ADGRL2: variants seen among roughly 807,000 people sequenced by gnomAD.
ADGRL2 encodes the protein adhesion G protein-coupled receptor L2, also known as calcium-independent alpha-latrotoxin receptor 2.
A neutral mutation model predicts 157.4 loss-of-function variants in ADGRL2; 44 were observed. The ratio of observed to expected loss-of-function variants is 0.28; its 90% CI spans 0.22 to 0.36. The LOEUF (loss-of-function observed/expected upper bound fraction) is 0.36. ADGRL2 is among the 10% of genes least tolerant of loss of function. The probability of loss-of-function intolerance (pLI) is 1.00; values close to 1 mark genes in which losing one functional copy is unlikely to be tolerated. For missense variants in ADGRL2, 1,510 were observed against 1,768.9 expected, an observed-to-expected ratio of 0.85 and a Z score of 2.63; for synonymous variants, 585 against 624.7, an observed-to-expected ratio of 0.94 and a Z score of 0.95.
chr1:81,419,563 C>T (rs1340462498), intron 1 of ADGRL2, among the ~76,000 whole-genome samples: 1 of 152,180 alleles, frequency 6.6e-6, no homozygotes, highest in African/African-American at 2.4e-5. Context: ...ATGCAAATAA[C>T]TACTTATTTG....
At chr1:81,846,239 T>C (rs2092783048) in intron 2 of ADGRL2, among the ~76,000 whole-genome samples, 1 of 151,762 alleles carries the variant, frequency 6.6e-6, no homozygotes, top group Non-Finnish European at 1.5e-5. Context: ...ACACTGTTTA[T>C]ATCTACATAG....
At chr1:81,800,423 A>T (rs915207098), upstream of ADGRL2, 1 of 152,020 alleles carries the variant, frequency 6.6e-6, no homozygotes, top group African/African-American at 2.4e-5. Context: ...TTTCTCCTCC[A>T]TGCAGTTACA....
chr1:81,323,411 A>ATTT lies in ADGRL2; in HGVS notation c.-302+16921_-302+16923dup, dbSNP rs138358062. Among the ~76,000 whole-genome samples the ATTT allele has an allele frequency of 3.0e-3, 332 of 109,728 alleles. 9 individuals are homozygous for ATTT. Among genetic ancestry groups the ATTT allele is most frequent in the Middle Eastern group, 0.012 (2 of 170 alleles). The allele number at this position is 109,728 out of a possible 152,430, so 72.0% of individuals were successfully genotyped here. A position where few individuals can be genotyped will look rare whatever the true frequency, so the allele number is the denominator to read the frequency against. ...CGAGCCATTGTACTAGACTAATTCAATTTTTTTTTTTTTTTTTTTTTGTAG... is the reference window on the plus strand; with the variant it reads ...CGAGCCATTGTACTAGACTAATTCAATTTTTTTTTTTTTTTTTTTTTTTTGTAG... On this transcript the variant is annotated intron_variant, in intron 1 of 24. Transcript: ENST00000370721.
At chr1:81,907,300 C>A in intron 3 of ADGRL2, 70 bp downstream of exon 3, 2 of 1,350,720 alleles carry the variant, frequency 1.5e-6, no homozygotes, top group Non-Finnish European at 1.1e-6. Flanking sequence ...TACAGTTATT[C>A]CAAAGCGAAT....
At chr1:81,923,130 T>G (rs2148636605) in intron 3 of ADGRL2, among the ~76,000 whole-genome samples, 1 of 152,304 alleles carries the variant, frequency 6.6e-6, no homozygotes, top group South Asian at 2.1e-4. Flanking sequence ...GTTGCTTTCT[T>G]ATCAGCTACT....
chr1:81,344,078 T>G (rs1662285665), intron 1 of ADGRL2, among the ~76,000 whole-genome samples: 2 of 152,096 alleles, frequency 1.3e-5, no homozygotes, highest in South Asian at 2.1e-4. Flanking sequence ...AAAAAAAAAT[T>G]TTTCTTTTTG....
At chr1:81,599,011 G>A (rs12717771) in intron 3 of ADGRL2, among the ~76,000 whole-genome samples, 51,439 of 152,090 alleles carry the variant, frequency 0.34, 8,969 homozygotes, top group South Asian at 0.39. Flanking sequence ...ATATAGGGTA[G>A]CATAAGGTTC....
chr1:81,811,240 A>T (rs1019354490), intron 1 of ADGRL2, among the ~76,000 whole-genome samples: 1 of 151,788 alleles, frequency 6.6e-6, no homozygotes, highest in Non-Finnish European at 1.5e-5. Flanking sequence ...CCTCAGTATG[A>T]TATTTCTGTA....
At chr1:81,320,249 C>T (rs79717673) in intron 1 of ADGRL2, among the ~76,000 whole-genome samples, 3,083 of 152,248 alleles carry the variant, frequency 0.02, 39 homozygotes, top group Middle Eastern at 0.037. Flanking sequence ...TTGATAGTTC[C>T]ACCACATCTA....
At chr1:81,940,582 G>A (rs1036919574) in intron 4 of ADGRL2, among the ~76,000 whole-genome samples, 1 of 151,570 alleles carries the variant, frequency 6.6e-6, no homozygotes. Flanking sequence ...TGGCAAAAAT[G>A]TTCGTGTGAT....
chr1:81,881,198 C>T (rs571602524), intron 2 of ADGRL2, among the ~76,000 whole-genome samples: 23 of 152,178 alleles, frequency 1.5e-4, no homozygotes, highest in Non-Finnish European at 2.2e-4. Flanking sequence ...ATTTTTGAGA[C>T]GGAGTCTTGC....
chr1:81,639,604 CAGTAGTAA>C (rs1420289638), intron 3 of ADGRL2, among the ~76,000 whole-genome samples: 12 of 110,750 alleles, frequency 1.1e-4, no homozygotes, highest in Non-Finnish European at 2.5e-4. Flanking sequence ...CAAAAGAAAG[CAGTAGTAA>C]CTATATTAAT....
intron 3 of ADGRL2, among the ~76,000 whole-genome samples, chr1:81,617,435 A>C (rs545497040): frequency 6.6e-6 from 1 of 152,310 alleles, no homozygotes; most frequent in African/African-American, 2.4e-5. Flanking sequence ...GACTCTTGGA[A>C]AAATAGCAGG....
At chr1:81,508,921 C>G (rs1296013770) in intron 2 of ADGRL2, among the ~76,000 whole-genome samples, 1 of 152,138 alleles carries the variant, frequency 6.6e-6, no homozygotes, top group Non-Finnish European at 1.5e-5. Flanking sequence ...AGTCCCCAGC[C>G]CATGTGACCT....
intron 2 of ADGRL2, among the ~76,000 whole-genome samples, chr1:81,490,392 A>ATC (rs1165846010): frequency 4.6e-5 from 7 of 152,178 alleles, no homozygotes; most frequent in African/African-American, 1.4e-4. Context: ...CTGGCCTCCC[A>ATC]AAGTGCTGGG....
At chr1:81,814,956 A>G (rs921577796) in intron 1 of ADGRL2, among the ~76,000 whole-genome samples, 1 of 151,784 alleles carries the variant, frequency 6.6e-6, no homozygotes, top group Non-Finnish European at 1.5e-5. Context: ...ATTTAAAAAT[A>G]AACACAACAT....
At chr1:81,909,988 C>G (rs907601037) in intron 3 of ADGRL2, among the ~76,000 whole-genome samples, 4 of 151,956 alleles carry the variant, frequency 2.6e-5, no homozygotes, top group African/African-American at 9.7e-5. Flanking sequence ...GTCTGTAATC[C>G]CAGCACTTTG....
chr1:81,879,514 T>TAAA (rs200767897), intron 2 of ADGRL2, among the ~76,000 whole-genome samples: 1 of 41,504 alleles, frequency 2.4e-5, no homozygotes, highest in Non-Finnish European at 4.9e-5. Flanking sequence ...AACCCAGAAT[T>TAAA]TAAAAAAAAA....
intron 2 of ADGRL2, among the ~76,000 whole-genome samples, chr1:81,477,310 G>T (rs1290652367): frequency 6.6e-6 from 1 of 152,282 alleles, no homozygotes; most frequent in East Asian, 1.9e-4. Context: ...CCTAACACCT[G>T]ACTATCCTGA....
Sources: allele counts gnomAD v4.1 joint callset (sites outside exome capture counted in the v4.1 genomes callset), GRCh38; gene constraint gnomAD v4.1.1; transcripts MANE v1.5; gene names NCBI Gene and HGNC (gene_info 2026-07-23, HGNC 2026-07-21).